The following BMP2K variants were observed in gnomAD, a reference collection of about 807,000 sequenced individuals.
BMP2K encodes the protein BMP2 inducible kinase.
Under a neutral mutation model 116.0 loss-of-function variants are expected in BMP2K, and 74 were observed. The ratio of observed to expected loss-of-function variants is 0.64; its 90% CI spans 0.53 to 0.77. The LOEUF is 0.77. Ranked by LOEUF, BMP2K falls within the 30% of genes least tolerant of loss-of-function variation. The probability of loss-of-function intolerance (pLI) is 0.00; values close to 1 mark genes in which losing one functional copy is unlikely to be tolerated. For synonymous variants in BMP2K, 486 were observed against 502.5 expected (o/e 0.97, Z 0.44); for missense variants, 1,365 against 1,403.6 (o/e 0.97, Z 0.44).
intron 12 of BMP2K, among the ~76,000 whole-genome samples, chr4:78,872,177 T>G (rs1732390040): frequency 6.6e-6 from 1 of 152,070 alleles, no homozygotes; most frequent in South Asian, 2.1e-4. Context: ...CTTATGTCAT[T>G]ATATAAGGGA....
At chr4:78,885,121 T>C (rs933374954) in intron 14 of BMP2K, among the ~76,000 whole-genome samples, 24 of 152,336 alleles carry the variant, frequency 1.6e-4, no homozygotes, top group African/African-American at 5.8e-4. Context: ...AATTGTCAGA[T>C]GTATTTAGTA....
intron 15 of BMP2K, among the ~76,000 whole-genome samples, chr4:78,897,503 AAC>A (rs1422986813): frequency 2.6e-5 from 4 of 152,338 alleles, no homozygotes; most frequent in South Asian, 2.1e-4. Context: ...ATATAGGAAA[AAC>A]ACAATCTCAT....
chr4:78,859,461 C>G, intron 7 of BMP2K, 123 bp from the exon 8 acceptor site: 1 of 569,164 alleles, frequency 1.8e-6, no homozygotes, highest in East Asian at 3.2e-5. Flanking sequence ...ATAAAGTTTG[C>G]TAGAATCATC....
In BMP2K at chr4:78,916,150, CT is replaced by C. The variant is rs1185698654; in HGVS notation, c.*4118del. On this transcript the variant is annotated 3_prime_UTR_variant, in exon 16 of 16. Coordinates refer to ENST00000502613, the MANE Select transcript of BMP2K (RefSeq NM_198892.2). ...ATTATGAGATAGACTCAGTCTCCCCCTCCCACCCCTTTTCCCCTGCCATATC... is the reference window on the plus strand; with the variant it reads ...ATTATGAGATAGACTCAGTCTCCCCCCCCACCCCTTTTCCCCTGCCATATC... 6.6e-6 allele frequency: 1 copy of C among 151,920 alleles called. No homozygotes were observed. The highest frequency in any genetic ancestry group is 1.5e-5 in the Non-Finnish European group (1 of 67,876). The allele number at this position is 151,920 out of a possible 1,614,324, so 9.4% of individuals were successfully genotyped here.
At chr4:78,781,673 A>G (rs1257676467) in intron 1 of BMP2K, among the ~76,000 whole-genome samples, 2 of 151,716 alleles carry the variant, frequency 1.3e-5, no homozygotes, top group Non-Finnish European at 2.9e-5. Flanking sequence ...TCATTGAAGG[A>G]CTCCTATAGT....
At chr4:78,908,839 CATA>C (rs2110106294) in intron 15 of BMP2K, among the ~76,000 whole-genome samples, 1 of 152,154 alleles carries the variant, frequency 6.6e-6, no homozygotes, top group South Asian at 2.1e-4. Flanking sequence ...GTATACAGTG[CATA>C]ATAATCACAT....
At chr4:78,892,180 T>C (rs1733475687) in intron 15 of BMP2K, among the ~76,000 whole-genome samples, 2 of 152,194 alleles carry the variant, frequency 1.3e-5, no homozygotes. Context: ...TTCCTAAATA[T>C]TTAGAATTCA....
intron 1 of BMP2K, among the ~76,000 whole-genome samples, chr4:78,812,734 T>C (rs1729150337): frequency 6.6e-6 from 1 of 152,188 alleles, no homozygotes; most frequent in Non-Finnish European, 1.5e-5. Flanking sequence ...CAAAGTGCTG[T>C]TAATCTGGCT....
chr4:78,792,592 T>C (rs1384779610), intron 1 of BMP2K, among the ~76,000 whole-genome samples: 1 of 152,208 alleles, frequency 6.6e-6, no homozygotes, highest in Non-Finnish European at 1.5e-5. Context: ...GTCTTAGCCA[T>C]TGTGAGCTTA....
At chr4:78,785,203 T>G (rs1727676636) in intron 1 of BMP2K, among the ~76,000 whole-genome samples, 1 of 152,152 alleles carries the variant, frequency 6.6e-6, no homozygotes, top group Non-Finnish European at 1.5e-5. Context: ...CTCTGCCTCC[T>G]GGGTTCAAGT....
intron 13 of BMP2K, among the ~76,000 whole-genome samples, chr4:78,873,747 G>T (rs919799789): frequency 6.6e-6 from 1 of 151,650 alleles, no homozygotes; most frequent in African/African-American, 2.4e-5. Context: ...AGAGACAGAT[G>T]GTGGGGCGGG....
intron 1 of BMP2K, among the ~76,000 whole-genome samples, chr4:78,798,527 G>C (rs1728409019): frequency 6.6e-6 from 1 of 152,242 alleles, no homozygotes; most frequent in Middle Eastern, 3.4e-3. Context: ...GAAAAACTAT[G>C]ATCATGTGTT....
At chr4:78,786,558 C>G (rs916662054) in intron 1 of BMP2K, among the ~76,000 whole-genome samples, 4 of 151,902 alleles carry the variant, frequency 2.6e-5, no homozygotes, top group Non-Finnish European at 5.9e-5. Context: ...CTTAGCCTCC[C>G]GACAGTTGGG....
Position 78,826,177 on chromosome 4 carries a change from T to C in BMP2K, c.297+22T>C, listed in dbSNP as rs764743175. ...TATGGTAAGTGAAGGAGTAGTTCTCTTTCAGAAATTTTGCAAGTTTTTATT... is the reference window on the plus strand; with the variant it reads ...TATGGTAAGTGAAGGAGTAGTTCTCCTTCAGAAATTTTGCAAGTTTTTATT... On this transcript the variant is annotated intron_variant, in intron 2 of 15. Transcript: ENST00000502613. 1.9e-6 allele frequency: 3 copies of C among 1,561,676 alleles called. No individual in the cohort carries two copies. In the Admixed American group the frequency reaches 5.2e-5, roughly 27 times the overall value.
intron 4 of BMP2K, among the ~76,000 whole-genome samples, chr4:78,842,889 A>G (rs1045402009): frequency 6.6e-6 from 1 of 152,008 alleles, no homozygotes; most frequent in African/African-American, 2.4e-5. Context: ...TATTAACTGT[A>G]ATCAATATTA....
At chr4:78,842,899 A>G (rs1730828103) in intron 4 of BMP2K, among the ~76,000 whole-genome samples, 1 of 152,036 alleles carries the variant, frequency 6.6e-6, no homozygotes, top group African/African-American at 2.4e-5. Context: ...AATCAATATT[A>G]AGCATCAAAG....
At chr4:78,841,099 G>T (rs770273797) in intron 3 of BMP2K, among the ~76,000 whole-genome samples, 4 of 151,930 alleles carry the variant, frequency 2.6e-5, no homozygotes, top group Non-Finnish European at 5.9e-5. Context: ...TGAAAGTTGG[G>T]GATTCATAGG....
rs1727742584 is a variant in BMP2K, at chr4:78,786,569, A to G, written c.178+9848A>G. ...TTGCCTTAGCCTCCCGACAGTTGGGACAATAGGCATGTGCCACCTTGCCAC... is the reference window on the plus strand; with the variant it reads ...TTGCCTTAGCCTCCCGACAGTTGGGGCAATAGGCATGTGCCACCTTGCCAC... On this transcript the variant is annotated intron_variant, in intron 1 of 15. Transcript: ENST00000502613. Among the ~76,000 whole-genome samples, 10 of 152,026 alleles carry G rather than the reference A, an allele frequency of 6.6e-5. No individual in the cohort carries two copies. In the South Asian group the frequency reaches 2.1e-3, roughly 32 times the overall value.
chr4:78,797,985 T>A (rs942225013), intron 1 of BMP2K, among the ~76,000 whole-genome samples: 17 of 152,126 alleles, frequency 1.1e-4, no homozygotes, highest in Admixed American at 2.0e-4. Flanking sequence ...TGACTAATTT[T>A]AAAAATTTTT....
Sources: allele counts gnomAD v4.1 joint callset (sites outside exome capture counted in the v4.1 genomes callset), GRCh38; gene constraint gnomAD v4.1.1; transcripts MANE v1.5; gene names NCBI Gene and HGNC (gene_info 2026-07-23, HGNC 2026-07-21).